The following PDZD2 variants were observed in gnomAD, a reference collection of about 807,000 sequenced individuals.
The protein encoded by PDZD2 is PDZ domain containing 2, also known as PDZ domain-containing protein 2.
A neutral mutation model predicts 220.7 loss-of-function variants in PDZD2; 90 were observed. That is an observed-to-expected ratio of 0.41 (90% CI 0.34 to 0.49). The LOEUF is 0.49. Among genes scored for constraint, PDZD2 ranks in the 20% least tolerant of loss-of-function variants. The pLI, the probability that PDZD2 is intolerant of heterozygous loss-of-function variation, is 0.28. For synonymous variants in PDZD2, 1,375 were observed against 1,450.5 expected (o/e 0.95, Z 1.18); for missense variants, 3,174 against 3,608.5 (o/e 0.88, Z 3.08).
intron 1 of PDZD2, among the ~76,000 whole-genome samples, chr5:31,694,384 TC>T (rs1392563140): frequency 2.1e-5 from 3 of 146,022 alleles, no homozygotes; most frequent in Non-Finnish European, 4.5e-5. Flanking sequence ...AGAGTGAGAC[TC>T]CATCTCAAAA....
intron 1 of PDZD2, among the ~76,000 whole-genome samples, chr5:31,643,779 C>G (rs1026484044): frequency 6.6e-6 from 1 of 151,836 alleles, no homozygotes; most frequent in African/African-American, 2.4e-5. Context: ...TTACTAAACA[C>G]TAAGTAGATA....
Position 31,856,928 on chromosome 5 carries a change from AT to A in PDZD2, c.476+57205del, listed in dbSNP as rs1272423919. On this transcript the variant is annotated intron_variant, in intron 2 of 24. Transcript: ENST00000438447. ...CAAAACTATATATATATATATATAT[AT>A]ATATATAACTTTAAAAAGTCAAATA... Among the ~76,000 whole-genome samples the A allele has an allele frequency of 7.5e-3, 1,096 of 146,888 alleles. 15 individuals carry two copies. Among genetic ancestry groups the A allele is most frequent in the African/African-American group, 0.024 (976 of 40,672 alleles).
chr5:31,663,195 G>A (rs1028078117), intron 1 of PDZD2, among the ~76,000 whole-genome samples: 4 of 152,168 alleles, frequency 2.6e-5, no homozygotes. Context: ...TCCATTAATA[G>A]TAAAAGACTT....
At chr5:31,873,739 C>CTT (rs112360135) in intron 2 of PDZD2, among the ~76,000 whole-genome samples, 16,453 of 145,068 alleles carry the variant, frequency 0.11, 1,751 homozygotes, top group African/African-American at 0.28. Flanking sequence ...AGTCTTGAGT[C>CTT]TTTTTTTTTT....
chr5:31,687,626 A>G (rs1205581320), intron 1 of PDZD2, among the ~76,000 whole-genome samples: 1 of 152,198 alleles, frequency 6.6e-6, no homozygotes, highest in Non-Finnish European at 1.5e-5. Flanking sequence ...TTGTTATGCC[A>G]TAACAAAATA....
At chr5:31,889,733 C>T (rs1001327680) in intron 2 of PDZD2, among the ~76,000 whole-genome samples, 72 of 152,042 alleles carry the variant, frequency 4.7e-4, no homozygotes, top group African/African-American at 1.5e-3. Context: ...TTAAGACACA[C>T]GGGGGCCGGG....
intron 2 of PDZD2, among the ~76,000 whole-genome samples, chr5:31,855,383 C>T (rs1295098910): frequency 6.6e-6 from 1 of 152,202 alleles, no homozygotes; most frequent in Non-Finnish European, 1.5e-5. Context: ...GTTTGTGTTC[C>T]TCGGGAGGAG....
chr5:31,986,576 A>G (rs1474132116), intron 3 of PDZD2, among the ~76,000 whole-genome samples: 1 of 149,172 alleles, frequency 6.7e-6, no homozygotes, highest in African/African-American at 2.5e-5. Context: ...TTTTTAGTCC[A>G]GGACAGAGAT....
intron 2 of PDZD2, among the ~76,000 whole-genome samples, chr5:31,866,143 C>T (rs577580414): frequency 1.3e-5 from 2 of 151,918 alleles, no homozygotes; most frequent in East Asian, 1.9e-4. Context: ...GGACTGCAGG[C>T]GGGGGCCGTC....
At chr5:32,050,969 G>C (rs1018738471) in intron 8 of PDZD2, among the ~76,000 whole-genome samples, 4 of 152,110 alleles carry the variant, frequency 2.6e-5, no homozygotes, top group Non-Finnish European at 5.9e-5. Flanking sequence ...GTGGCTAGTG[G>C]GGGGTGTATT....
At chr5:31,966,387 A>C (rs911826073) in intron 2 of PDZD2, among the ~76,000 whole-genome samples, 1 of 152,250 alleles carries the variant, frequency 6.6e-6, no homozygotes, top group Non-Finnish European at 1.5e-5. Context: ...TGCATTTTCA[A>C]CATTTGTGTT....
intron 8 of PDZD2, 117 bp downstream of exon 8, chr5:32,048,801 A>G: frequency 9.7e-7 from 1 of 1,029,592 alleles, no homozygotes. Flanking sequence ...AGAGAGAGAC[A>G]GCAGGCAAAG....
At position 32,090,496 on chromosome 5, in the gene PDZD2, C is replaced by A; in HGVS notation, c.7048C>A (p.Arg2350=). The A allele has an allele frequency of 6.2e-7, 1 of 1,614,046 alleles. No individual in the cohort carries two copies. The highest frequency in any genetic ancestry group is 2.2e-5 in the East Asian group (1 of 44,880). Residue 2350 remains arginine, a synonymous_variant, in exon 20 of 25, where the codon CGG becomes AGG. Coordinates refer to ENST00000438447, the MANE Select transcript of PDZD2 (RefSeq NM_178140.4). This position sits in a 1 kb window ranked among gnomAD's most constrained non-coding sequence, Gnocchi z 4.3. ...TTTTGAGAACCTGGCCAATGCTGAC[C>A]GGCCTGTAGCCAAGTCCGGGGCTTC... The part of the protein sequence containing the change: ...KSFENLANAD[R]PVAKSGASPF...
intron 2 of PDZD2, among the ~76,000 whole-genome samples, chr5:31,923,091 A>C (rs1410495801): frequency 6.7e-6 from 1 of 149,076 alleles, no homozygotes; most frequent in Non-Finnish European, 1.5e-5. Flanking sequence ...TCAGGAGTTC[A>C]AGACCAGCCT....
intron 1 of PDZD2, among the ~76,000 whole-genome samples, chr5:31,751,897 T>G (rs1750993948): frequency 6.6e-6 from 1 of 151,892 alleles, no homozygotes; most frequent in African/African-American, 2.4e-5. Flanking sequence ...AATCCAGAAG[T>G]TCAACTGCCT....
intron 1 of PDZD2, among the ~76,000 whole-genome samples, chr5:31,689,239 T>TTGTGTGTGTGTGTGTGTGTGTG (rs70955736): frequency 2.3e-4 from 32 of 140,010 alleles, no homozygotes; most frequent in African/African-American, 7.3e-4. Flanking sequence ...TGGCTAATGT[T>TTGTGTGTGTGTGTGTGTGTGTG]TGTGTGTGTG....
In PDZD2 at chr5:31,864,839, CTTTTTT is replaced by C. The variant is rs70955752; in HGVS notation, c.476+65137_476+65142del. Reference sequence around the variant, plus strand: ...GAATTGTATCTTGTATGAGATTTGTCTTTTTTTTTTTTTTTTTTTTTTTTTTTGAGA... The same window carrying C: ...GAATTGTATCTTGTATGAGATTTGTCTTTTTTTTTTTTTTTTTTTTTGAGA... On this transcript the variant is annotated intron_variant, in intron 2 of 24. Transcript: ENST00000438447. Among the ~76,000 whole-genome samples the C allele has an allele frequency of 5.7e-3, 402 of 70,898 alleles. 1 individual carries two copies. Among genetic ancestry groups the C allele is most frequent in the Non-Finnish European group, 8.1e-3 (315 of 38,970 alleles). 46.5% of individuals were successfully genotyped at this position (70,898 alleles called of 152,430 possible).
chr5:31,654,796 C>T (rs1745484352), intron 1 of PDZD2, among the ~76,000 whole-genome samples: 1 of 152,164 alleles, frequency 6.6e-6, no homozygotes, highest in African/African-American at 2.4e-5. Flanking sequence ...CTCAACAGAG[C>T]AGGCAGAAAG....
chr5:32,054,513 C>T (rs537090446), intron 10 of PDZD2, among the ~76,000 whole-genome samples: 51 of 151,466 alleles, frequency 3.4e-4, no homozygotes, highest in African/African-American at 1.1e-3. Flanking sequence ...TTTGTAGAGA[C>T]GAGGTTCCAC....
Sources: gnomAD v4.1 joint callset for allele counts (sites outside exome capture counted in the v4.1 genomes callset) on GRCh38, gnomAD v4.1.1 for gene constraint, Gnocchi (gnomAD v3.1) non-coding constraint, MANE v1.5 for transcripts, NCBI Gene and HGNC (gene_info 2026-07-23, HGNC 2026-07-21) for gene names.